Variants in CACNG7 observed in about 807,000 individuals in gnomAD.
The protein encoded by CACNG7 is calcium voltage-gated channel auxiliary subunit gamma 7.
A neutral mutation model predicts 26.3 loss-of-function variants in CACNG7; 9 were observed. That is an observed-to-expected ratio of 0.34 (90% CI 0.21 to 0.60). The LOEUF is 0.60. CACNG7 is among the 20% of genes least tolerant of loss of function. The pLI is 0.81. For synonymous variants in CACNG7, 170 were observed against 157.0 expected (o/e 1.08, Z -0.62); for missense variants, 297 against 380.4 (o/e 0.78, Z 1.82).
chr19:53,931,969 G>C lies in CACNG7; in HGVS notation c.425-9501G>C, dbSNP rs565557444. Reference sequence around the variant, plus strand: ...GTAGAGATGGAGTTTCACCATGTTAGCCAGGATGGTCTCGATCTCCTGACC... The same window carrying C: ...GTAGAGATGGAGTTTCACCATGTTACCCAGGATGGTCTCGATCTCCTGACC... On this transcript the variant is annotated intron_variant, in intron 4 of 5. Coordinates refer to ENST00000391767, the MANE Select transcript of CACNG7 (RefSeq NM_031896.5). Among the ~76,000 whole-genome samples, 428 of 151,400 alleles carry C rather than the reference G, an allele frequency of 2.8e-3. 1 individual carries two copies. Among genetic ancestry groups the C allele is most frequent in the African/African-American group, 9.6e-3 (396 of 41,378 alleles).
intron 4 of CACNG7, among the ~76,000 whole-genome samples, chr19:53,936,568 A>G (rs866318924): frequency 7.1e-4 from 108 of 152,172 alleles, no homozygotes; most frequent in African/African-American, 2.4e-3. Context: ...TTAAATATGT[A>G]TCAGTGTGGA....
chr19:53,926,543 T>C (rs1226164052), intron 4 of CACNG7, among the ~76,000 whole-genome samples: 1 of 152,196 alleles, frequency 6.6e-6, no homozygotes, highest in Admixed American at 6.6e-5. Flanking sequence ...CTTTATTTCA[T>C]ATTTTTTCAT....
intron 4 of CACNG7, among the ~76,000 whole-genome samples, chr19:53,921,496 G>C (rs2068951590): frequency 1.4e-5 from 2 of 144,412 alleles, no homozygotes; most frequent in East Asian, 2.1e-4. Flanking sequence ...CATTGGTGGA[G>C]TTGCCCCAGG....
In CACNG7 at chr19:53,942,463, T is replaced by C; in HGVS notation, c.*170T>C. The C allele has an allele frequency of 6.8e-7, 1 of 1,460,338 alleles. No homozygotes were observed. Among genetic ancestry groups the C allele is most frequent in the South Asian group, 1.4e-5 (1 of 70,114 alleles). 90.5% of individuals were successfully genotyped at this position (1,460,338 alleles called of 1,614,324 possible). A position where few individuals can be genotyped will look rare whatever the true frequency, so the allele number is the denominator to read the frequency against. ...CAATGGCTCCGCCCACAGACTCCCTTATTTCAATGGCCGCGCCCTCTTTTC... is the reference window on the plus strand; with the variant it reads ...CAATGGCTCCGCCCACAGACTCCCTCATTTCAATGGCCGCGCCCTCTTTTC... On this transcript the variant is annotated 3_prime_UTR_variant, in exon 6 of 6. Coordinates refer to ENST00000391767, the MANE Select transcript of CACNG7 (RefSeq NM_031896.5). This position sits in a 1 kb window ranked among gnomAD's most constrained non-coding sequence, Gnocchi z 5.9.
chr19:53,924,251 G>A (rs1239431823), intron 4 of CACNG7, among the ~76,000 whole-genome samples: 3 of 134,906 alleles, frequency 2.2e-5, no homozygotes, highest in Non-Finnish European at 4.6e-5. Context: ...CATTGGTGGA[G>A]TTGCCCCAGG....
chr19:53,913,156 A>C (rs1265857575), intron 2 of CACNG7, 129 bp downstream of exon 2: 3 of 820,692 alleles, frequency 3.7e-6, no homozygotes, highest in Middle Eastern at 3.6e-4. Flanking sequence ...TGGAAGTTCA[A>C]ATTTCTACGT....
chr19:53,919,540 T>C (rs1412958761), intron 4 of CACNG7, among the ~76,000 whole-genome samples: 1 of 141,682 alleles, frequency 7.1e-6, no homozygotes. Flanking sequence ...GCCTCAGGTC[T>C]GGTCATTGGT....
Position 53,915,411 on chromosome 19 carries a change from C to G in CACNG7, c.330C>G (p.Leu110=), listed in dbSNP as rs769278610. Residue 110 remains leucine, a synonymous_variant, in exon 4 of 6, where the codon CTC becomes CTG. Coordinates refer to ENST00000391767, the MANE Select transcript of CACNG7 (RefSeq NM_031896.5). ...CCTTCCCCATGGTCAGCCTCTTCCT[C>G]GTGTTCACGGCCTTCGTCATCAGCA... The part of the protein sequence containing the change: ...ATPFPMVSLF[L]VFTAFVISNI... 1.9e-6 allele frequency: 3 copies of G among 1,614,048 alleles called. No homozygotes were observed. The highest frequency in any genetic ancestry group is 2.5e-6 in the Non-Finnish European group (3 of 1,179,984).
intron 4 of CACNG7, among the ~76,000 whole-genome samples, chr19:53,920,723 C>A (rs1304662768): frequency 1.3e-5 from 1 of 78,178 alleles, no homozygotes; most frequent in South Asian, 4.4e-4. Context: ...ATTGGTGGAG[C>A]TGTCCCAGGC....
At position 53,934,545 on chromosome 19, in the gene CACNG7, C is replaced by T. The variant is rs1027457916; in HGVS notation, c.425-6925C>T. ...ATCCTAGCAGTTTGGGATTCCGAGG[C>T]GAGAGGATTGCTTGAGCCTAAGAGT... On this transcript the variant is annotated intron_variant, in intron 4 of 5. Transcript: ENST00000391767. Among the ~76,000 whole-genome samples, 5 of 151,666 alleles carry T rather than the reference C, an allele frequency of 3.3e-5. No individual in the cohort carries two copies. The East Asian group carries it at 5.8e-4, about 18-fold the overall frequency.
rs1231853949 is a variant in CACNG7, at chr19:53,942,335, G to C, written c.*42G>C. 1.4e-6 allele frequency: 2 copies of C among 1,461,410 alleles called. No individual in the cohort carries two copies. The allele number at this position is 1,461,410 out of a possible 1,614,324, so 90.5% of individuals were successfully genotyped here. A position where few individuals can be genotyped will look rare whatever the true frequency, so the allele number is the denominator to read the frequency against. On this transcript the variant is annotated 3_prime_UTR_variant, in exon 6 of 6. Coordinates refer to ENST00000391767, the MANE Select transcript of CACNG7 (RefSeq NM_031896.5). This position sits in a 1 kb window ranked among gnomAD's most constrained non-coding sequence, Gnocchi z 5.9. The stretch of plus-strand genomic sequence containing the variant: ...CTCCCCCTGCCTCCTCCTCCTCCTC[G>C]TCTTAGGGGGGTCTCCCTGCAATGC...
chr19:53,942,143 C>T lies in CACNG7; in HGVS notation c.678C>T (p.Asp226=). 1.9e-6 allele frequency: 3 copies of T among 1,614,070 alleles called. No homozygotes were observed. Among genetic ancestry groups the T allele is most frequent in the Non-Finnish European group, 2.5e-6 (3 of 1,179,960 alleles). The change falls in exon 6 of 6, where the codon GAC becomes GAT. Residue 226 remains aspartate (D), a synonymous_variant. Coordinates refer to ENST00000391767, the MANE Select transcript of CACNG7 (RefSeq NM_031896.5). The surrounding 1 kb of genome is among the most constrained non-coding windows in gnomAD (Gnocchi z 5.9). ...FYRPRLSDCS[D]YSGQFLQPEA... Reference sequence around the variant, plus strand: ...GCCCGCGTCTCAGCGACTGCTCCGACTACTCGGGCCAGTTCCTGCAGCCCG... The same window carrying T: ...GCCCGCGTCTCAGCGACTGCTCCGATTACTCGGGCCAGTTCCTGCAGCCCG...
At chr19:53,915,735 T>C (rs2068893575) in intron 4 of CACNG7, among the ~76,000 whole-genome samples, 2 of 152,190 alleles carry the variant, frequency 1.3e-5, no homozygotes, top group Admixed American at 1.3e-4. Flanking sequence ...GGTACCAGGC[T>C]CTATTCTCAC....
chr19:53,923,335 C>T (rs1203922551), intron 4 of CACNG7, among the ~76,000 whole-genome samples: 2 of 133,594 alleles, frequency 1.5e-5, no homozygotes, highest in Non-Finnish European at 3.2e-5. Context: ...TGGAGTTGCC[C>T]CAGGCCTGGT....
At chr19:53,911,384 G>A (rs1430243571) in intron 1 of CACNG7, among the ~76,000 whole-genome samples, 2 of 152,042 alleles carry the variant, frequency 1.3e-5, no homozygotes, top group African/African-American at 2.4e-5. Context: ...TGATTTTGAT[G>A]TTCTGGAATC....
chr19:53,933,094 G>T (rs1387788078), intron 4 of CACNG7, among the ~76,000 whole-genome samples: 1 of 151,656 alleles, frequency 6.6e-6, no homozygotes, highest in African/African-American at 2.4e-5. Flanking sequence ...CACTTTGTGC[G>T]TGAGCCACTG....
At chr19:53,925,342 G>A (rs557462427) in intron 4 of CACNG7, among the ~76,000 whole-genome samples, 1 of 138,222 alleles carries the variant, frequency 7.2e-6, no homozygotes, top group South Asian at 2.4e-4. Flanking sequence ...CATTGGTGGA[G>A]TTGCCCCAGG....
intron 4 of CACNG7, among the ~76,000 whole-genome samples, chr19:53,929,622 A>G (rs2145914332): frequency 6.6e-6 from 1 of 151,954 alleles, no homozygotes; most frequent in East Asian, 1.9e-4. Context: ...ATGCCTGGCT[A>G]ATTTTTGTAT....
rs958113154 is a variant in CACNG7 at position 53,939,314 on chromosome 19, T to G, written c.425-2156T>G. On this transcript the variant is annotated intron_variant, in intron 4 of 5. Transcript: ENST00000391767. This position sits in a 1 kb window ranked among gnomAD's most constrained non-coding sequence, Gnocchi z 4.2. ...AGATGTAATTCACATACTATAAATT[T>G]CATATAATTCAGTGATGTTTCAGTA... Among the ~76,000 whole-genome samples, 10 of 152,178 alleles carry G rather than the reference T, an allele frequency of 6.6e-5. No individual in the cohort carries two copies. Among genetic ancestry groups the G allele is most frequent in the African/African-American group, 2.2e-4 (9 of 41,440 alleles).
Sources: allele counts gnomAD v4.1 joint callset (sites outside exome capture counted in the v4.1 genomes callset), GRCh38; gene constraint gnomAD v4.1.1; non-coding constraint Gnocchi (gnomAD v3.1); transcripts MANE v1.5; gene names NCBI Gene and HGNC (gene_info 2026-07-23, HGNC 2026-07-21).